FBXO32: variants seen among roughly 807,000 people sequenced by gnomAD.
FBXO32 encodes F-box protein 32.
A neutral mutation model predicts 48.3 loss-of-function variants in FBXO32; 15 were observed. That is an observed-to-expected ratio of 0.31 (90% CI 0.21 to 0.48). The LOEUF is 0.48. FBXO32 is among the 20% of genes least tolerant of loss of function. FBXO32 has a pLI of 0.99. For synonymous variants in FBXO32, 154 were observed against 165.9 expected, an observed-to-expected ratio of 0.93 and a Z score of 0.55; for missense variants, 309 against 432.7, an observed-to-expected ratio of 0.71 and a Z score of 2.54.
rs907168127 is a variant in FBXO32 at position 123,540,448 on chromosome 8, C to T, written c.116+451G>A. Among the ~76,000 whole-genome samples, 14 of 152,260 alleles carry T rather than the reference C, an allele frequency of 9.2e-5. No homozygotes were observed. The highest frequency in any genetic ancestry group is 3.4e-4 in the African/African-American group (14 of 41,474). ...GCGGGACCTTCGTCGGATCCCGTCA[C>T]CTGTCGCGTCCACAGCGCTTGGGCG... On this transcript the variant is annotated intron_variant, in intron 1 of 8. Transcript: ENST00000517956. This position sits in a 1 kb window ranked among gnomAD's most constrained non-coding sequence, Gnocchi z 6.4.
Position 123,540,797 on chromosome 8 carries a change from C to T in FBXO32, c.116+102G>A. On this transcript the variant is annotated intron_variant, in intron 1 of 8. Transcript: ENST00000517956. The surrounding 1 kb of genome is among the most constrained non-coding windows in gnomAD (Gnocchi z 6.4). ...TCCGGGTCAGGGTCTCCCTCCTCAG[C>T]CCGCTCCAGCCCTGCCTGCCCCTCA... The T allele has an allele frequency of 1.0e-6, 1 of 1,000,418 alleles. No individual in the cohort carries two copies. The highest frequency in any genetic ancestry group is 2.8e-5 in the East Asian group (1 of 36,036). 62.0% of individuals were successfully genotyped at this position (1,000,418 alleles called of 1,614,324 possible).
intron 1 of FBXO32, 77 bp from the exon 2 acceptor site, chr8:123,534,891 C>G: frequency 1.3e-5 from 11 of 843,620 alleles, no homozygotes; most frequent in Non-Finnish European, 1.9e-5. Flanking sequence ...AAATAACTCA[C>G]TGAGTTATAA....
chr8:123,513,299 C>T lies in FBXO32; in HGVS notation c.550G>A (p.Val184Ile). ...YTSLCTLVQR[V>I]GKSVLVGNIN... Reference sequence around the variant, plus strand: ...TTCCCGACCAGCACAGACTTGCCGACTCTTTGGACCAGTGTACATAAGGAT... The same window carrying T: ...TTCCCGACCAGCACAGACTTGCCGATTCTTTGGACCAGTGTACATAAGGAT... Residue 184 changes from valine (V) to isoleucine (I), a missense_variant, in exon 6 of 9, where the codon GTC becomes ATC. Transcript: ENST00000517956. The surrounding 1 kb of genome is among the most constrained non-coding windows in gnomAD (Gnocchi z 4.3). 6.2e-7 allele frequency: 1 copy of T among 1,614,242 alleles called. No individual in the cohort carries two copies. Among genetic ancestry groups the T allele is most frequent in the Admixed American group, 1.7e-5 (1 of 60,028 alleles).
rs1036536789 is a variant in FBXO32 at position 123,525,226 on chromosome 8, A to T, written c.372+6672T>A. ...TAACTTGCTGGAAACATTCAAATGCACTTAGGGTGGTAACGCAGAAAAAAA... is the reference window on the plus strand; with the variant it reads ...TAACTTGCTGGAAACATTCAAATGCTCTTAGGGTGGTAACGCAGAAAAAAA... On this transcript the variant is annotated intron_variant, in intron 4 of 8. Coordinates refer to ENST00000517956, the MANE Select transcript of FBXO32 (RefSeq NM_058229.4). The surrounding 1 kb of genome is among the most constrained non-coding windows in gnomAD (Gnocchi z 4.3). 6.6e-6 allele frequency among the ~76,000 whole-genome samples: 1 copy of T among 152,238 alleles called. No homozygotes were observed. Among genetic ancestry groups the T allele is most frequent in the African/African-American group, 2.4e-5 (1 of 41,470 alleles).
chr8:123,538,766 A>G (rs1214639367), intron 1 of FBXO32, among the ~76,000 whole-genome samples: 2 of 152,156 alleles, frequency 1.3e-5, no homozygotes, highest in Non-Finnish European at 2.9e-5. Flanking sequence ...GGTAATGATG[A>G]TGGATGTGAC....
In FBXO32 at chr8:123,499,722, T is replaced by C. The variant is rs1816441414; in HGVS notation, c.*3651A>G. On this transcript the variant is annotated 3_prime_UTR_variant, in exon 9 of 9. Coordinates refer to ENST00000517956, the MANE Select transcript of FBXO32 (RefSeq NM_058229.4). ...TTTGCCTTCTTGTAAATCATACCAA[T>C]TGTTTAGACAATTGAAATTCCAAGC... The C allele has an allele frequency of 1.3e-5, 2 of 152,244 alleles. No individual in the cohort carries two copies. Among genetic ancestry groups the C allele is most frequent in the Admixed American group, 6.5e-5 (1 of 15,280 alleles). The allele number at this position is 152,244 out of a possible 1,614,324, so 9.4% of individuals were successfully genotyped here.
At chr8:123,532,141 C>G in intron 3 of FBXO32, 151 bp from the exon 4 acceptor site, 1 of 1,421,786 alleles carries the variant, frequency 7.0e-7, no homozygotes, top group Admixed American at 3.0e-5. Context: ...CTTTCCTGTA[C>G]CCACAAGCCC....
At chr8:123,538,352 T>C (rs561378649) in intron 1 of FBXO32, among the ~76,000 whole-genome samples, 1 of 152,302 alleles carries the variant, frequency 6.6e-6, no homozygotes, top group East Asian at 1.9e-4. Context: ...GTTTGCAGAA[T>C]GGTCTGTGGA....
At chr8:123,511,835 A>C (rs780639420) in intron 6 of FBXO32, among the ~76,000 whole-genome samples, 2 of 152,160 alleles carry the variant, frequency 1.3e-5, no homozygotes, top group Non-Finnish European at 2.9e-5. Flanking sequence ...CTTGGGACAC[A>C]TGGGACCCGC....
rs56193974 is a variant in FBXO32, at chr8:123,501,364, AAAAAAAAAAC to A, written c.*1999_*2008del. On this transcript the variant is annotated 3_prime_UTR_variant, in exon 9 of 9. Transcript: ENST00000517956. Reference sequence around the variant, plus strand: ...ATTGGTTCAGGGGGAGAGGGATTGCAAAAAAAAAACAAAAAAAAACAAAACAAAACACACA... The same window carrying A: ...ATTGGTTCAGGGGGAGAGGGATTGCAAAAAAAAAACAAAACAAAACACACA... 3 of 129,734 alleles carry A rather than the reference AAAAAAAAAAC, an allele frequency of 2.3e-5. No individual in the cohort carries two copies. The highest frequency in any genetic ancestry group is 5.7e-5 in the African/African-American group (2 of 35,258). 8.0% of individuals were successfully genotyped at this position (129,734 alleles called of 1,614,324 possible). A position where few individuals can be genotyped will look rare whatever the true frequency, so the allele number is the denominator to read the frequency against.
Position 123,506,833 on chromosome 8 carries a change from C to CT in FBXO32, c.652-260dup, listed in dbSNP as rs1249171354. Reference sequence around the variant, plus strand: ...ATTTCCAAAGCTTGAAACTTTCACTCTTAAAGACTCTCCAAATAGCGCATG... The same window carrying CT: ...ATTTCCAAAGCTTGAAACTTTCACTCTTTAAAGACTCTCCAAATAGCGCATG... On this transcript the variant is annotated intron_variant, in intron 6 of 8. Coordinates refer to ENST00000517956, the MANE Select transcript of FBXO32 (RefSeq NM_058229.4). The surrounding 1 kb of genome is among the most constrained non-coding windows in gnomAD (Gnocchi z 4.0). Among the ~76,000 whole-genome samples, 1 of 152,224 alleles carries CT rather than the reference C, an allele frequency of 6.6e-6. No homozygotes were observed. The highest frequency in any genetic ancestry group is 1.9e-4 in the East Asian group (1 of 5,204).
chr8:123,529,817 C>G (rs1322192235), intron 4 of FBXO32, among the ~76,000 whole-genome samples: 1 of 152,214 alleles, frequency 6.6e-6, no homozygotes, highest in African/African-American at 2.4e-5. Context: ...TTTTCACTAT[C>G]ATGATGCTTG....
intron 4 of FBXO32, among the ~76,000 whole-genome samples, chr8:123,519,349 C>T (rs527285519): frequency 7.9e-5 from 12 of 152,026 alleles, no homozygotes; most frequent in East Asian, 3.9e-4. Flanking sequence ...GTGAGGAGAT[C>T]GAGACCATCC....
At chr8:123,511,269 G>A (rs997925671) in intron 6 of FBXO32, among the ~76,000 whole-genome samples, 6 of 152,094 alleles carry the variant, frequency 3.9e-5, no homozygotes, top group Non-Finnish European at 8.8e-5. Flanking sequence ...GGTGTCTCTG[G>A]TCCCCACTCC....
chr8:123,516,599 C>T (rs16898491), intron 4 of FBXO32, among the ~76,000 whole-genome samples: 9,838 of 152,256 alleles, frequency 0.065, 847 homozygotes, highest in East Asian at 0.46. Flanking sequence ...GCTTCCATGG[C>T]ATTTGCATAA....
chr8:123,523,958 A>G (rs1254399454), intron 4 of FBXO32, among the ~76,000 whole-genome samples: 1 of 152,198 alleles, frequency 6.6e-6, no homozygotes, highest in African/African-American at 2.4e-5. Context: ...GTTGAAATTC[A>G]ATTTCATTCT....
At chr8:123,530,349 A>C (rs1407464501) in intron 4 of FBXO32, among the ~76,000 whole-genome samples, 1 of 152,062 alleles carries the variant, frequency 6.6e-6, no homozygotes, top group Non-Finnish European at 1.5e-5. Flanking sequence ...CATCTGACTC[A>C]GTGACATGGC....
chr8:123,510,025 C>T (rs1274616569), intron 6 of FBXO32, among the ~76,000 whole-genome samples: 1 of 152,196 alleles, frequency 6.6e-6, no homozygotes, highest in Non-Finnish European at 1.5e-5. Flanking sequence ...CATAGAAGCA[C>T]TCAGTACAGC....
In FBXO32 at chr8:123,501,173, A is replaced by G. The variant is rs1816475228; in HGVS notation, c.*2200T>C. On this transcript the variant is annotated 3_prime_UTR_variant, in exon 9 of 9. Coordinates refer to ENST00000517956, the MANE Select transcript of FBXO32 (RefSeq NM_058229.4). ...CATGTGGAAGGCCATGAACCCCTAA[A>G]TCTAAAAATGTCACTAAGAGTCAAA... is the stretch of plus-strand genomic sequence containing the variant. 1 of 152,146 alleles carries G rather than the reference A, an allele frequency of 6.6e-6. No individual in the cohort carries two copies. The highest frequency in any genetic ancestry group is 2.4e-5 in the African/African-American group (1 of 41,440). The allele number at this position is 152,146 out of a possible 1,614,324, so 9.4% of individuals were successfully genotyped here. A position where few individuals can be genotyped will look rare whatever the true frequency, so the allele number is the denominator to read the frequency against.
Sources: allele counts gnomAD v4.1 joint callset (sites outside exome capture counted in the v4.1 genomes callset), GRCh38; gene constraint gnomAD v4.1.1; non-coding constraint Gnocchi (gnomAD v3.1); transcripts MANE v1.5; gene names NCBI Gene and HGNC (gene_info 2026-07-23, HGNC 2026-07-21).